Variants in SCHIP1 observed in about 807,000 individuals in gnomAD.
The protein encoded by SCHIP1 is schwannomin interacting protein 1, also known as schwannomin-interacting protein 1.
Under a neutral mutation model 29.7 loss-of-function variants are expected in SCHIP1, and 8 were observed. That is an observed-to-expected ratio of 0.27 (90% confidence interval 0.16 to 0.49). The LOEUF is 0.49. Ranked by LOEUF, SCHIP1 falls within the 20% of genes least tolerant of loss-of-function variation. The pLI is 0.99. For synonymous variants in SCHIP1, 76 were observed against 94.9 expected (o/e 0.80, Z 1.16); for missense variants, 193 against 294.6 (o/e 0.66, Z 2.52).
chr3:159,652,926 T>C, the SCHIP1 span, among the ~76,000 whole-genome samples: 10 of 152,156 alleles, frequency 6.6e-5, no homozygotes, highest in Admixed American at 6.5e-4. Flanking sequence ...AGACAAAAAT[T>C]GTGTGTTCTC....
the SCHIP1 span, among the ~76,000 whole-genome samples, chr3:159,679,947 C>T: frequency 5.0e-4 from 76 of 152,148 alleles, no homozygotes; most frequent in Middle Eastern, 0.02. Flanking sequence ...CCAAGAGCAC[C>T]CTCCTTCAGA....
the SCHIP1 span, among the ~76,000 whole-genome samples, chr3:159,812,400 A>C: frequency 6.6e-6 from 1 of 152,226 alleles, no homozygotes; most frequent in Non-Finnish European, 1.5e-5. Flanking sequence ...AATAAAATGG[A>C]AAATTTAAAC....
chr3:159,852,284 T>G (rs1345706901), intron 1 of SCHIP1, among the ~76,000 whole-genome samples: 1 of 152,242 alleles, frequency 6.6e-6, no homozygotes, highest in Non-Finnish European at 1.5e-5. Context: ...TTATCTAAGC[T>G]TGTCAGAGTG....
the SCHIP1 span, among the ~76,000 whole-genome samples, chr3:159,717,932 G>C: frequency 6.6e-6 from 1 of 152,118 alleles, no homozygotes; most frequent in South Asian, 2.1e-4. Flanking sequence ...AACAAAAAAA[G>C]AGAATTTTAG....
chr3:159,763,277 G>A, the SCHIP1 span, among the ~76,000 whole-genome samples: 1 of 152,104 alleles, frequency 6.6e-6, no homozygotes, highest in Non-Finnish European at 1.5e-5. Flanking sequence ...TCCCACATGG[G>A]CTTGTGTATG....
At chr3:159,837,544 G>A (rs745576819), upstream of SCHIP1, among the ~76,000 whole-genome samples, 3 of 152,138 alleles carry the variant, frequency 2.0e-5, no homozygotes, top group Non-Finnish European at 4.4e-5. Context: ...CCAACAAGGT[G>A]AAACCGTGCC....
chr3:159,493,871 A>C, the SCHIP1 span, among the ~76,000 whole-genome samples: 1 of 152,114 alleles, frequency 6.6e-6, no homozygotes, highest in Non-Finnish European at 1.5e-5. Flanking sequence ...TCCTCAGCAA[A>C]TGTAAAAGAA....
the SCHIP1 span, among the ~76,000 whole-genome samples, chr3:159,452,137 CTTTTT>C: frequency 7.0e-4 from 99 of 142,104 alleles, no homozygotes; most frequent in African/African-American, 2.5e-3. Context: ...AACATTTCTT[CTTTTT>C]TTTTTTTTTT....
the SCHIP1 span, among the ~76,000 whole-genome samples, chr3:159,808,995 T>TC: frequency 0.13 from 19,084 of 150,768 alleles, 1,461 homozygotes; most frequent in Middle Eastern, 0.29. Context: ...CTTTTTTTTT[T>TC]TTTTATTATA....
the SCHIP1 span, among the ~76,000 whole-genome samples, chr3:159,339,034 A>T: frequency 1.3e-5 from 2 of 152,124 alleles, no homozygotes; most frequent in Non-Finnish European, 2.9e-5. Flanking sequence ...ATTTCTCCTA[A>T]CATTTTGTAG....
the SCHIP1 span, among the ~76,000 whole-genome samples, chr3:159,451,407 CTT>C: frequency 1.7e-4 from 26 of 152,288 alleles, no homozygotes; most frequent in Admixed American, 3.3e-4. Context: ...TCATCTATTT[CTT>C]TTTAACAGCA....
the SCHIP1 span, among the ~76,000 whole-genome samples, chr3:159,359,839 CAT>C: frequency 6.6e-6 from 1 of 152,172 alleles, no homozygotes; most frequent in South Asian, 2.1e-4. Context: ...AAGAACAACT[CAT>C]AAAATACCTG....
chr3:159,280,868 CA>C, the SCHIP1 span, among the ~76,000 whole-genome samples: 4 of 152,080 alleles, frequency 2.6e-5, no homozygotes, highest in African/African-American at 9.7e-5. Flanking sequence ...CACAAACAGA[CA>C]AAAAAGCAAT....
chr3:159,327,724 G>A, the SCHIP1 span, among the ~76,000 whole-genome samples: 2 of 152,102 alleles, frequency 1.3e-5, no homozygotes, highest in South Asian at 2.1e-4. Flanking sequence ...TATGTTTTAT[G>A]GTTACACATT....
At chr3:159,433,812 CTTAA>C in the SCHIP1 span, among the ~76,000 whole-genome samples, 2,520 of 152,232 alleles carry the variant, frequency 0.017, 58 homozygotes, top group African/African-American at 0.057. Flanking sequence ...TTTTATGACT[CTTAA>C]TTATTACTAA....
At chr3:159,307,989 A>G in the SCHIP1 span, among the ~76,000 whole-genome samples, 4 of 151,934 alleles carry the variant, frequency 2.6e-5, no homozygotes, top group East Asian at 3.9e-4. Flanking sequence ...TACAGTATAT[A>G]TATTTTGATG....
chr3:159,338,586 T>A, the SCHIP1 span, among the ~76,000 whole-genome samples: 2 of 152,122 alleles, frequency 1.3e-5, no homozygotes, highest in African/African-American at 4.8e-5. Flanking sequence ...TAGGACCTAC[T>A]CTATCTTCTA....
chr3:159,831,757 C>T, the SCHIP1 span, among the ~76,000 whole-genome samples: 2 of 151,996 alleles, frequency 1.3e-5, no homozygotes, highest in South Asian at 4.2e-4. Flanking sequence ...TAGGATGGCA[C>T]GAGGGTTCAT....
At chr3:159,486,821 G>A in the SCHIP1 span, among the ~76,000 whole-genome samples, 1 of 152,176 alleles carries the variant, frequency 6.6e-6, no homozygotes, top group Non-Finnish European at 1.5e-5. Context: ...TGTCTCCATG[G>A]CTGCTGTGCA....
Sources: allele counts gnomAD v4.1 joint callset (sites outside exome capture counted in the v4.1 genomes callset), GRCh38; gene constraint gnomAD v4.1.1; transcripts MANE v1.5; gene names NCBI Gene and HGNC (gene_info 2026-07-23, HGNC 2026-07-21).